The following B4GALNT3 variants were observed in gnomAD, a reference collection of about 807,000 sequenced individuals.
B4GALNT3 encodes beta-1,4-N-acetylgalactosaminyltransferase 3.
In B4GALNT3, 86 loss-of-function variants were observed where a neutral mutation model predicts 120.2. The ratio of observed to expected loss-of-function variants is 0.72; its 90% CI spans 0.60 to 0.86. The LOEUF (loss-of-function observed/expected upper bound fraction) is 0.86. B4GALNT3 is among the 40% of genes least tolerant of loss of function. The pLI, the probability that B4GALNT3 is intolerant of heterozygous loss-of-function variation, is 0.00. For missense variants in B4GALNT3, 1,167 were observed against 1,298.9 expected (o/e 0.90, Z 1.56); for synonymous variants, 518 against 510.4 (o/e 1.01, Z -0.20).
At chr12:480,678 C>T (rs1437383310) in intron 1 of B4GALNT3, among the ~76,000 whole-genome samples, 4 of 143,978 alleles carry the variant, frequency 2.8e-5, no homozygotes, top group South Asian at 2.3e-4. Context: ...GCCTTATCTC[C>T]GGGACCGCGG....
chr12:540,289 C>T (rs1256347008), intron 3 of B4GALNT3, among the ~76,000 whole-genome samples: 2 of 152,220 alleles, frequency 1.3e-5, no homozygotes, highest in Non-Finnish European at 2.9e-5. Flanking sequence ...GGACCAACCT[C>T]TCTTTCATCT....
intron 3 of B4GALNT3, among the ~76,000 whole-genome samples, chr12:539,035 G>T (rs1484086537): frequency 6.6e-6 from 1 of 152,210 alleles, no homozygotes; most frequent in Admixed American, 6.5e-5. Context: ...TGCTAAAGGT[G>T]AGCAAGGGCA....
At chr12:494,927 C>T (rs1015015136) in intron 1 of B4GALNT3, among the ~76,000 whole-genome samples, 4 of 152,156 alleles carry the variant, frequency 2.6e-5, no homozygotes, top group Non-Finnish European at 5.9e-5. Context: ...TGTGAAAAGC[C>T]TCTACCCCTT....
chr12:461,543 G>A (rs966443088), intron 1 of B4GALNT3, among the ~76,000 whole-genome samples: 1 of 152,210 alleles, frequency 6.6e-6, no homozygotes, highest in Non-Finnish European at 1.5e-5. Context: ...CCCAACGCAA[G>A]CCCGGGGAGC....
In B4GALNT3 at chr12:557,673, G is replaced by A. The variant is rs759799839; in HGVS notation, c.2446G>A (p.Gly816Ser). Residue 816 changes from glycine to serine, a missense_variant, in exon 16 of 20, where the codon GGT (glycine) becomes AGT (serine). Gly to Ser is a moderately conservative substitution (Grantham distance 56). Around this residue, in one of 3 missense-constraint regions of B4GALNT3, gnomAD observed 983 missense variants for 1,102.5 expected, o/e 0.89. Coordinates refer to ENST00000266383, the MANE Select transcript of B4GALNT3 (RefSeq NM_173593.4). Reference protein sequence around the residue: ...KDMENLFQVTGDPHFNIVITD... With the variant: ...KDMENLFQVTSDPHFNIVITD... ...CATGGAAAACCTGTTCCAGGTCACC[G>A]GTGACCCACACTTCAACATCGTCAT... The A allele has an allele frequency of 4.7e-5, 76 of 1,610,006 alleles. No homozygotes were observed. The African/African-American group carries it at 5.1e-4, about 11-fold the overall frequency.
At chr12:549,198 C>G (rs1039063303) in intron 9 of B4GALNT3, among the ~76,000 whole-genome samples, 54 of 152,112 alleles carry the variant, frequency 3.6e-4, no homozygotes, top group Non-Finnish European at 6.9e-4. Flanking sequence ...AGCAGCCAGC[C>G]CCCCACCCCC....
intron 1 of B4GALNT3, among the ~76,000 whole-genome samples, chr12:525,177 C>T (rs372461339): frequency 3.3e-5 from 5 of 151,848 alleles, no homozygotes; most frequent in East Asian, 1.9e-4. Flanking sequence ...GGTGTGATCT[C>T]GGCTCACTGC....
At chr12:555,303 C>A (rs1947139510) in intron 14 of B4GALNT3, 1 of 454,980 alleles carries the variant, frequency 2.2e-6, no homozygotes, top group South Asian at 1.6e-5. Flanking sequence ...TGTGGATTTT[C>A]CTATTCCGGA....
chr12:541,319 G>T (rs1946912943), intron 3 of B4GALNT3, among the ~76,000 whole-genome samples: 1 of 152,218 alleles, frequency 6.6e-6, no homozygotes, highest in Non-Finnish European at 1.5e-5. Flanking sequence ...AAATGAGAGG[G>T]TTCCAACAGA....
At position 561,665 on chromosome 12, in the gene B4GALNT3, G is replaced by C. The variant is rs1239274375; in HGVS notation, c.*214G>C. ...CTGGGCCTTCAGAAGGGAGGACTTT[G>C]AGAGAGAGGCCAGGAGGGACCACTT... On this transcript the variant is annotated 3_prime_UTR_variant, in exon 20 of 20. Coordinates refer to ENST00000266383, the MANE Select transcript of B4GALNT3 (RefSeq NM_173593.4). The C allele has an allele frequency of 7.2e-6, 4 of 556,616 alleles. No homozygotes were observed. The highest frequency in any genetic ancestry group is 9.7e-6 in the Non-Finnish European group (3 of 310,640). The allele number at this position is 556,616 out of a possible 1,614,324, so 34.5% of individuals were successfully genotyped here.
At chr12:544,614 A>G (rs1946968511) in intron 4 of B4GALNT3, among the ~76,000 whole-genome samples, 180 bp downstream of exon 4, 1 of 151,824 alleles carries the variant, frequency 6.6e-6, no homozygotes, top group Non-Finnish European at 1.5e-5. Context: ...TTTCAATTTC[A>G]TCCCCTGCAT....
intron 3 of B4GALNT3, among the ~76,000 whole-genome samples, chr12:539,746 C>T (rs955827467): frequency 6.6e-6 from 1 of 151,968 alleles, no homozygotes; most frequent in Non-Finnish European, 1.5e-5. Flanking sequence ...GACCCCATTT[C>T]CACTAAATAG....
At position 549,655 on chromosome 12, in the gene B4GALNT3, C is replaced by T. The variant is rs563726429; in HGVS notation, c.854-114C>T. Reference sequence around the variant, plus strand: ...GAGTGTGGCTGCGCACATCCTACACCGTCGCCGCTGGAGTCAGGAGCCCCT... The same window carrying T: ...GAGTGTGGCTGCGCACATCCTACACTGTCGCCGCTGGAGTCAGGAGCCCCT... On this transcript the variant is annotated intron_variant, in intron 9 of 19. Transcript: ENST00000266383. 1.9e-3 allele frequency: 2,576 copies of T among 1,342,190 alleles called. 8 individuals carry two copies. Among genetic ancestry groups the T allele is most frequent in the Middle Eastern group, 2.4e-3 (11 of 4,624 alleles). The allele number at this position is 1,342,190 out of a possible 1,614,324, so 83.1% of individuals were successfully genotyped here.
intron 1 of B4GALNT3, among the ~76,000 whole-genome samples, chr12:496,977 G>A (rs1283779911): frequency 6.6e-6 from 1 of 152,006 alleles, no homozygotes; most frequent in Non-Finnish European, 1.5e-5. Context: ...CTGGGCTCAA[G>A]GGATCCTCCC....
intron 1 of B4GALNT3, among the ~76,000 whole-genome samples, chr12:489,647 A>G (rs571006057): frequency 6.6e-6 from 1 of 152,378 alleles, no homozygotes; most frequent in South Asian, 2.1e-4. Context: ...GCGGAAGAAT[A>G]GATGAATCCA....
rs1947104155 is a variant in B4GALNT3 at position 553,174 on chromosome 12, A to G, written c.1271-20A>G. ...GGGTTGGAAACTCTTGACATGAGGAATGGTTGTTATTAATAGCAGGTTTTG... is the reference window on the plus strand; with the variant it reads ...GGGTTGGAAACTCTTGACATGAGGAGTGGTTGTTATTAATAGCAGGTTTTG... On this transcript the variant is annotated intron_variant, in intron 13 of 19. Transcript: ENST00000266383. 1 of 1,606,180 alleles carries G rather than the reference A, an allele frequency of 6.2e-7. No homozygotes were observed. The highest frequency in any genetic ancestry group is 1.7e-5 in the Admixed American group (1 of 59,772).
chr12:485,694 G>T (rs139478490), intron 1 of B4GALNT3, among the ~76,000 whole-genome samples: 120 of 152,280 alleles, frequency 7.9e-4, no homozygotes, highest in Non-Finnish European at 1.5e-3. Flanking sequence ...GGAACTGTTC[G>T]TGTAAAATGG....
In B4GALNT3 at chr12:552,207, C is replaced by T. The variant is rs202215573; in HGVS notation, c.1208+44C>T. 379 of 1,523,206 alleles carry T rather than the reference C, an allele frequency of 2.5e-4. 3 individuals carry two copies. In the Middle Eastern group the frequency reaches 3.1e-3, roughly 12 times the overall value. 94.4% of individuals were successfully genotyped at this position (1,523,206 alleles called of 1,614,324 possible). ...GGCAGGAAGGTGACCTTGCAGAGGG[C>T]TCTGCGGGAGCCAGGAGAGCTGCCT... On this transcript the variant is annotated intron_variant, in intron 12 of 19. Coordinates refer to ENST00000266383, the MANE Select transcript of B4GALNT3 (RefSeq NM_173593.4).
In B4GALNT3 at chr12:460,493, G is replaced by C; in HGVS notation, c.117G>C (p.Leu39=). The C allele has an allele frequency of 6.3e-7, 1 of 1,586,318 alleles. No homozygotes were observed. Among genetic ancestry groups the C allele is most frequent in the Non-Finnish European group, 8.6e-7 (1 of 1,167,150 alleles). ...TGGTGTCTGTGGGGCTCTGGACTCTGTATCTGGAACTGGTGGCGTCGGCCC... is the reference window on the plus strand; with the variant it reads ...TGGTGTCTGTGGGGCTCTGGACTCTCTATCTGGAACTGGTGGCGTCGGCCC... ...LAVVSVGLWT[L]YLELVASAQV... Residue 39 remains leucine (L), a synonymous_variant, in exon 1 of 20, where the codon CTG becomes CTC. Coordinates refer to ENST00000266383, the MANE Select transcript of B4GALNT3 (RefSeq NM_173593.4). This position sits in a 1 kb window ranked among gnomAD's most constrained non-coding sequence, Gnocchi z 8.0.
Sources: gnomAD v4.1 joint callset for allele counts (sites outside exome capture counted in the v4.1 genomes callset) on GRCh38, gnomAD v4.1.1 for gene constraint, gnomAD v4.1.1 regional missense constraint, Gnocchi (gnomAD v3.1) non-coding constraint, MANE v1.5 for transcripts, NCBI Gene and HGNC (gene_info 2026-07-23, HGNC 2026-07-21) for gene names.